COL16A1: variants seen among roughly 807,000 people sequenced by gnomAD.
COL16A1 encodes the protein collagen alpha-1(XVI) chain.
Under a neutral mutation model 266.3 loss-of-function variants are expected in COL16A1, and 189 were observed. The ratio of observed to expected loss-of-function variants is 0.71; its 90% confidence interval spans 0.63 to 0.80. The LOEUF is 0.80. Ranked by LOEUF, COL16A1 falls within the 30% of genes least tolerant of loss-of-function variation. COL16A1 has a pLI of 0.00. For missense variants in COL16A1, 1,928 were observed against 2,122.4 expected, an observed-to-expected ratio of 0.91 and a Z score of 1.80; for synonymous variants, 740 against 782.3, an observed-to-expected ratio of 0.95 and a Z score of 0.90.
Position 31,685,053 on chromosome 1 carries a change from T to C in COL16A1, c.2017-197A>G, listed in dbSNP as rs546100482. 6.6e-6 allele frequency among the ~76,000 whole-genome samples: 1 copy of C among 152,312 alleles called. No individual in the cohort carries two copies. Among genetic ancestry groups the C allele is most frequent in the African/African-American group, 2.4e-5 (1 of 41,564 alleles). On this transcript the variant is annotated intron_variant, in intron 29 of 70. Coordinates refer to ENST00000373672, the MANE Select transcript of COL16A1 (RefSeq NM_001856.4). The surrounding 1 kb of genome is among the most constrained non-coding windows in gnomAD (Gnocchi z 4.0). ...GCCTGGGTGACATGAGCAAATTAGC[T>C]CATCTATCTCCGTACCTCAGTTTCT...
At chr1:31,683,160 T>C in intron 36 of COL16A1, 34 bp downstream of exon 36, 26 of 1,614,034 alleles carry the variant, frequency 1.6e-5, no homozygotes, top group Non-Finnish European at 2.2e-5. Context: ...TCTGGAATAC[T>C]GCAGGCCCAA....
At chr1:31,682,539 G>A (rs1316691623) in intron 37 of COL16A1, among the ~76,000 whole-genome samples, 1 of 152,206 alleles carries the variant, frequency 6.6e-6, no homozygotes, top group African/African-American at 2.4e-5. Context: ...CGGTTCACAT[G>A]TCCCTAATGA....
In COL16A1 at chr1:31,685,534, C is replaced by T. The variant is rs1174978316; in HGVS notation, c.2016+105G>A. The T allele has an allele frequency of 3.6e-6, 4 of 1,098,852 alleles. No individual in the cohort carries two copies. Among genetic ancestry groups the T allele is most frequent in the Non-Finnish European group, 5.2e-6 (4 of 770,428 alleles). 68.1% of individuals were successfully genotyped at this position (1,098,852 alleles called of 1,614,324 possible). The stretch of plus-strand genomic sequence containing the variant: ...TGACCCCGCCACACCCTCCCCACTA[C>T]CCCCAACTGCCCAGGGAGTCAAGAG... On this transcript the variant is annotated intron_variant, in intron 29 of 70. Transcript: ENST00000373672. This position sits in a 1 kb window ranked among gnomAD's most constrained non-coding sequence, Gnocchi z 4.0.
chr1:31,701,600 CG>C (rs1644727662), intron 2 of COL16A1: 1 of 982,804 alleles, frequency 1.0e-6, no homozygotes, highest in African/African-American at 1.7e-5. Flanking sequence ...GTCTGGGCCT[CG>C]GGGTGGGCCT....
In COL16A1 at chr1:31,656,847, A is replaced by T; in HGVS notation, c.4056+186T>A. The T allele has an allele frequency of 1.4e-6, 1 of 712,868 alleles. No homozygotes were observed. The highest frequency in any genetic ancestry group is 2.3e-6 in the Non-Finnish European group (1 of 440,964). The allele number at this position is 712,868 out of a possible 1,614,324, so 44.2% of individuals were successfully genotyped here. A position where few individuals can be genotyped will look rare whatever the true frequency, so the allele number is the denominator to read the frequency against. ...TTAAAAAAAAAAAAAAAAAGGTAAA[A>T]CAAATCTCACTCCCATCCTTGGCCT... On this transcript the variant is annotated intron_variant, in intron 65 of 70. Transcript: ENST00000373672. This position sits in a 1 kb window ranked among gnomAD's most constrained non-coding sequence, Gnocchi z 4.2.
chr1:31,655,525 C>T, intron 66 of COL16A1, 23 bp from the exon 67 acceptor site: 3 of 1,611,284 alleles, frequency 1.9e-6, no homozygotes, highest in Non-Finnish European at 2.5e-6. Flanking sequence ...ATACTTAGTG[C>T]TGTCAAATTT....
At chr1:31,700,583 T>C (rs1004453088) in intron 2 of COL16A1, among the ~76,000 whole-genome samples, 6 of 152,216 alleles carry the variant, frequency 3.9e-5, no homozygotes, top group Non-Finnish European at 4.4e-5. Context: ...ATCATGCACA[T>C]TGTGTGTTAT....
Position 31,671,632 on chromosome 1 carries a change from C to A in COL16A1, c.3133G>T (p.Gly1045Cys). ...ATACTTACGATAGGGCCTGGAGGAC[C>A]CGGGGAGCCCCTCATGCCAGGCGGA... ...EGPPGMRGSP[G>C]PPGPIGPPGF... The change falls in exon 48 of 71, where the codon GGT (glycine) becomes TGT (cysteine). Residue 1045 changes from glycine (G) to cysteine (C), a missense_variant. By Grantham distance (159) the Gly-to-Cys change is radical. This residue lies in a region of COL16A1 where 1,552 missense variants were observed against 1,637.2 expected (regional missense o/e 0.95). Coordinates refer to ENST00000373672, the MANE Select transcript of COL16A1 (RefSeq NM_001856.4). 6.2e-7 allele frequency: 1 copy of A among 1,614,036 alleles called. No homozygotes were observed. Among genetic ancestry groups the A allele is most frequent in the African/African-American group, 1.3e-5 (1 of 75,002 alleles).
rs759735633 is a variant in COL16A1 at position 31,697,062 on chromosome 1, G to A, written c.765C>T (p.Arg255=). 5.0e-6 allele frequency: 8 copies of A among 1,614,054 alleles called. No homozygotes were observed. In the Admixed American group the frequency reaches 5.0e-5, roughly 10 times the overall value. Residue 255 remains arginine, a synonymous_variant, in exon 8 of 71, where the codon CGC becomes CGT. Transcript: ENST00000373672. This position sits in a 1 kb window ranked among gnomAD's most constrained non-coding sequence, Gnocchi z 4.2. ...TGAGCTCATTGCTCTGGGTGTCCCG[G>A]CGGGCCTTGGAGGTCTCTGGGGGGC... ...AGCPPETSKA[R]RDTQSNELIE...
Position 31,697,222 on chromosome 1 carries a change from C to T in COL16A1, c.736G>A (p.Gly246Arg), listed in dbSNP as rs751108685. 1.2e-6 allele frequency: 2 copies of T among 1,613,340 alleles called. No individual in the cohort carries two copies. Among genetic ancestry groups the T allele is most frequent in the Admixed American group, 1.7e-5 (1 of 59,962 alleles). The change falls in exon 7 of 71, where the codon GGG (glycine) becomes AGG (arginine). Residue 246 changes from glycine (G) to arginine (R), a missense_variant and splice_region_variant. This residue lies in a region of COL16A1 where 1,552 missense variants were observed against 1,637.2 expected (regional missense o/e 0.95). Transcript: ENST00000373672. This position sits in a 1 kb window ranked among gnomAD's most constrained non-coding sequence, Gnocchi z 4.2. ...AGCCCAAGGGCCGGGCCACTCACCC[C>T]TGCTGGTAAAATCTCACAGCAGCCC... ...EEGCCEILPA[G>R]CPPETSKARR...
intron 37 of COL16A1, among the ~76,000 whole-genome samples, chr1:31,681,289 C>T (rs945686295): frequency 1.3e-5 from 2 of 152,224 alleles, no homozygotes; most frequent in South Asian, 4.1e-4. Context: ...GCCAAGTACC[C>T]GTCGGGGAAC....
intron 26 of COL16A1, among the ~76,000 whole-genome samples, chr1:31,687,585 A>G (rs1240060370): frequency 6.7e-6 from 1 of 149,260 alleles, no homozygotes; most frequent in African/African-American, 2.5e-5. Flanking sequence ...GGGGTGAGAG[A>G]GCCATCATGG....
intron 42 of COL16A1, chr1:31,679,220 G>A: frequency 1.8e-6 from 1 of 566,974 alleles, no homozygotes; most frequent in Non-Finnish European, 3.1e-6. Flanking sequence ...AGCTCCAAGA[G>A]GGCAGGGACT....
chr1:31,671,577 G>C (rs774855273), intron 48 of COL16A1, 38 bp downstream of exon 48: 18 of 1,613,708 alleles, frequency 1.1e-5, no homozygotes, highest in Non-Finnish European at 1.5e-5. Flanking sequence ...ACCCCTTTGA[G>C]AGCTTCTCAA....
At chr1:31,684,497 G>A (rs763451573) in intron 31 of COL16A1, 26 bp downstream of exon 31, 135 of 1,598,524 alleles carry the variant, frequency 8.4e-5, no homozygotes, top group Non-Finnish European at 1.1e-4. Flanking sequence ...CAAACTCCCC[G>A]ACCCCAACCA....
chr1:31,689,162 C>A (rs1644137769), intron 23 of COL16A1, 77 bp from the exon 24 acceptor site: 1 of 1,606,378 alleles, frequency 6.2e-7, no homozygotes, highest in South Asian at 1.1e-5. Context: ...TATGCGAGGA[C>A]AGCAATGTCA....
intron 16 of COL16A1, among the ~76,000 whole-genome samples, 176 bp downstream of exon 16, chr1:31,692,298 G>C (rs1644306067): frequency 6.6e-6 from 1 of 151,874 alleles, no homozygotes; most frequent in Non-Finnish European, 1.5e-5. Context: ...CTCTAGGTCG[G>C]CTGGGTATTT....
intron 69 of COL16A1, 46 bp from the exon 70 acceptor site, chr1:31,653,722 G>GACAC: frequency 6.3e-7 from 1 of 1,593,080 alleles, no homozygotes; most frequent in Non-Finnish European, 8.6e-7. Flanking sequence ...GCAGAAAAAT[G>GACAC]ACACAGCCAG....
intron 56 of COL16A1, 25 bp from the exon 57 acceptor site, chr1:31,662,683 C>CA: frequency 1.9e-6 from 2 of 1,045,620 alleles, no homozygotes; most frequent in South Asian, 2.9e-5. Context: ...CGCCCCCCCC[C>CA]CCCGCCCCAC....
Sources: allele counts gnomAD v4.1 joint callset (sites outside exome capture counted in the v4.1 genomes callset), GRCh38; gene constraint gnomAD v4.1.1; regional missense constraint gnomAD v4.1.1; non-coding constraint Gnocchi (gnomAD v3.1); transcripts MANE v1.5; gene names NCBI Gene and HGNC (gene_info 2026-07-23, HGNC 2026-07-21).